Variants in MTMR7 observed in about 807,000 individuals in gnomAD.
MTMR7 encodes the protein phosphatidylinositol-3-phosphate phosphatase MTMR7.
Under a neutral mutation model 81.2 loss-of-function variants are expected in MTMR7, and 76 were observed. That is an observed-to-expected ratio of 0.94 (90% CI 0.78 to 1.13). The LOEUF is 1.13. MTMR7 is among the 50% of genes most tolerant of loss of function. MTMR7 has a pLI of 0.00. For synonymous variants in MTMR7, 372 were observed against 289.8 expected (o/e 1.28, Z -2.88); for missense variants, 1,044 against 820.0 (o/e 1.27, Z -3.34).
intron 4 of MTMR7, among the ~76,000 whole-genome samples, chr8:17,359,787 CA>C (rs1417307608): frequency 1.3e-5 from 2 of 152,020 alleles, no homozygotes; most frequent in African/African-American, 4.8e-5. Context: ...ATCAAGGTAT[CA>C]AAAGATTTTT....
At chr8:17,363,466 T>A (rs983319516) in intron 3 of MTMR7, among the ~76,000 whole-genome samples, 3 of 152,248 alleles carry the variant, frequency 2.0e-5, no homozygotes, top group Non-Finnish European at 2.9e-5. Context: ...TGTGGGCTGA[T>A]ACCTGTTTCC....
chr8:17,302,454 T>G (rs1166065292), intron 12 of MTMR7, 174 bp from the exon 13 acceptor site: 1 of 635,238 alleles, frequency 1.6e-6, no homozygotes, highest in East Asian at 3.0e-5. Context: ...TTTTTTTTCT[T>G]GGGTCAGTAA....
chr8:17,333,032 A>G lies in MTMR7; in HGVS notation c.733-1750T>C, dbSNP rs560738328. Among the ~76,000 whole-genome samples, 4 of 152,282 alleles carry G rather than the reference A, an allele frequency of 2.6e-5. No individual in the cohort carries two copies. In the South Asian group the frequency reaches 8.3e-4, roughly 32 times the overall value. ...AATAATAGAAATAAAGTATATTAGA[A>G]GTGAAAAAAACAGCAGAGGATAAGC... On this transcript the variant is annotated intron_variant, in intron 6 of 13. Coordinates refer to ENST00000180173, the MANE Select transcript of MTMR7 (RefSeq NM_004686.5).
rs968090819 is a variant in MTMR7, at chr8:17,353,766, T to G, written c.469-4685A>C. Among the ~76,000 whole-genome samples, 6 of 152,334 alleles carry G rather than the reference T, an allele frequency of 3.9e-5. No homozygotes were observed. The South Asian group carries it at 6.2e-4, about 16-fold the overall frequency. On this transcript the variant is annotated intron_variant, in intron 4 of 13. Transcript: ENST00000180173. ...TTAATCACTTTGCCATTTTTTAAAA[T>G]GAATAAGGAAACCGATTTTCTTTGT... is the stretch of plus-strand genomic sequence containing the variant.
At chr8:17,369,641 CTTTTTT>C (rs71212689) in intron 3 of MTMR7, among the ~76,000 whole-genome samples, 1,714 of 106,210 alleles carry the variant, frequency 0.016, 24 homozygotes, top group African/African-American at 0.054. Flanking sequence ...TTCTTTTTTT[CTTTTTT>C]TTTTTTTTTT....
chr8:17,369,641 C>CT (rs71212689), intron 3 of MTMR7, among the ~76,000 whole-genome samples: 20,157 of 106,414 alleles, frequency 0.19, 2,343 homozygotes, highest in Non-Finnish European at 0.28. Context: ...TTCTTTTTTT[C>CT]TTTTTTTTTT....
intron 7 of MTMR7, among the ~76,000 whole-genome samples, chr8:17,326,147 C>A (rs1055715397): frequency 6.6e-6 from 1 of 152,270 alleles, no homozygotes; most frequent in East Asian, 1.9e-4. Context: ...CCATTCCAAC[C>A]CACTACCTCG....
chr8:17,334,528 T>C lies in MTMR7; in HGVS notation c.733-3246A>G, dbSNP rs570230861. 1.3e-3 allele frequency among the ~76,000 whole-genome samples: 191 copies of C among 152,320 alleles called. 1 individual carries two copies. Among genetic ancestry groups the C allele is most frequent in the Middle Eastern group, 3.4e-3 (1 of 294 alleles). On this transcript the variant is annotated intron_variant, in intron 6 of 13. Coordinates refer to ENST00000180173, the MANE Select transcript of MTMR7 (RefSeq NM_004686.5). ...ACAACAGATAGGTGAAAAGTAGGAC[T>C]GCAAAAATACCCTGTTTCCTAACAC... is the stretch of plus-strand genomic sequence containing the variant.
intron 6 of MTMR7, 150 bp downstream of exon 6, chr8:17,341,213 A>G (rs1819397467): frequency 4.2e-6 from 4 of 955,192 alleles, no homozygotes; most frequent in Non-Finnish European, 6.1e-6. Context: ...GGAAGTAGCC[A>G]GCAGGGTGCC....
At chr8:17,307,405 T>C (rs570083130) in intron 10 of MTMR7, among the ~76,000 whole-genome samples, 42 of 152,238 alleles carry the variant, frequency 2.8e-4, no homozygotes, top group African/African-American at 9.4e-4. Flanking sequence ...GGAGAGGATG[T>C]GAAGAAATAG....
chr8:17,413,268 C>A lies in MTMR7; in HGVS notation c.24+1G>T. 1 of 1,548,340 alleles carries A rather than the reference C, an allele frequency of 6.5e-7. No homozygotes were observed. The highest frequency in any genetic ancestry group is 8.7e-7 in the Non-Finnish European group (1 of 1,145,114). On this transcript the variant is annotated splice_donor_variant, in intron 1 of 13. Transcript: ENST00000180173. LOFTEE classifies it high-confidence loss of function. ...CCTCCGCCCGCGCTGGTGTCACCAA[C>A]CTTGGGCGTACGGATGTGCTCCATG...
intron 1 of MTMR7, among the ~76,000 whole-genome samples, chr8:17,388,734 A>G (rs1821017842): frequency 7.8e-6 from 1 of 127,968 alleles, no homozygotes; most frequent in African/African-American, 2.5e-5. Flanking sequence ...AAGCCCAGGC[A>G]CAGAGAGACC....
At chr8:17,307,158 T>C (rs1231107986) in intron 10 of MTMR7, among the ~76,000 whole-genome samples, 1 of 151,850 alleles carries the variant, frequency 6.6e-6, no homozygotes, top group Non-Finnish European at 1.5e-5. Flanking sequence ...AGGGCTAAAA[T>C]CCAGAATCTA....
intron 5 of MTMR7, among the ~76,000 whole-genome samples, chr8:17,342,126 A>T (rs1819424655): frequency 6.6e-6 from 1 of 152,160 alleles, no homozygotes; most frequent in Non-Finnish European, 1.5e-5. Context: ...TCTCTGCCCC[A>T]AGTCCCGTAC....
At position 17,377,172 on chromosome 8, in the gene MTMR7, A is replaced by G. The variant is rs116403988; in HGVS notation, c.25-3932T>C. Among the ~76,000 whole-genome samples, 977 of 152,256 alleles carry G rather than the reference A, an allele frequency of 6.4e-3. 12 individuals carry two copies. The highest frequency in any genetic ancestry group is 0.022 in the African/African-American group (910 of 41,576). Reference sequence around the variant, plus strand: ...TACATCAATTAATCAGGAAGCTTTCAACATACAAAGTATTTATTAGTTGAA... The same window carrying G: ...TACATCAATTAATCAGGAAGCTTTCGACATACAAAGTATTTATTAGTTGAA... On this transcript the variant is annotated intron_variant, in intron 1 of 13. Transcript: ENST00000180173.
intron 1 of MTMR7, among the ~76,000 whole-genome samples, chr8:17,394,158 C>T (rs573783147): frequency 1.1e-3 from 163 of 152,226 alleles, no homozygotes; most frequent in Non-Finnish European, 1.9e-3. Context: ...ATTAAGCATG[C>T]ATTAACATAT....
intron 7 of MTMR7, among the ~76,000 whole-genome samples, chr8:17,316,710 C>T (rs2157634): frequency 0.16 from 24,281 of 152,048 alleles, 2,241 homozygotes; most frequent in East Asian, 0.3. Flanking sequence ...TCCAGTGTAA[C>T]GACTATTTAC....
chr8:17,304,610 T>C (rs1176651323), intron 11 of MTMR7, 91 bp from the exon 12 acceptor site: 2 of 1,397,874 alleles, frequency 1.4e-6, no homozygotes, highest in African/African-American at 1.4e-5. Context: ...GAACTAATAA[T>C]TGTTACCTGA....
chr8:17,343,994 AC>A (rs755530990), intron 5 of MTMR7, among the ~76,000 whole-genome samples: 26 of 152,218 alleles, frequency 1.7e-4, no homozygotes, highest in Non-Finnish European at 2.6e-4. Context: ...TTACAATGCT[AC>A]TAATAATTAA....
Sources: gnomAD v4.1 joint callset for allele counts (sites outside exome capture counted in the v4.1 genomes callset) on GRCh38, gnomAD v4.1.1 for gene constraint, MANE v1.5 for transcripts, NCBI Gene and HGNC (gene_info 2026-07-23, HGNC 2026-07-21) for gene names.